The following CAMTA1 variants were observed in gnomAD, a reference collection of about 807,000 sequenced individuals.
CAMTA1 encodes the protein calmodulin-binding transcription activator 1.
Under a neutral mutation model 170.9 loss-of-function variants are expected in CAMTA1, and 27 were observed. The ratio of observed to expected loss-of-function variants is 0.16; its 90% CI spans 0.12 to 0.22. CAMTA1 has a LOEUF of 0.22. CAMTA1 is among the 10% of genes least tolerant of loss of function. The pLI is 1.00. For synonymous variants in CAMTA1, 833 were observed against 891.5 expected (o/e 0.93, Z 1.17); for missense variants, 1,619 against 2,217.2 (o/e 0.73, Z 5.42).
intron 6 of CAMTA1, among the ~76,000 whole-genome samples, chr1:7,511,815 C>T (rs551106870): frequency 3.7e-4 from 56 of 152,178 alleles, no homozygotes; most frequent in Non-Finnish European, 7.1e-4. Context: ...GTGGAGCTGG[C>T]GGCTTTCCTG....
Position 7,634,237 on chromosome 1 carries a change from G to C in CAMTA1, c.511-6163G>C, listed in dbSNP as rs1011369888. 6.6e-6 allele frequency among the ~76,000 whole-genome samples: 1 copy of C among 152,154 alleles called. No individual in the cohort carries two copies. The highest frequency in any genetic ancestry group is 1.5e-5 in the Non-Finnish European group (1 of 68,030). On this transcript the variant is annotated intron_variant, in intron 6 of 22. Transcript: ENST00000303635. This position sits in a 1 kb window ranked among gnomAD's most constrained non-coding sequence, Gnocchi z 6.2. ...GGATCAGACTTGGTCATTGCAGGCA[G>C]GGGGTATATGGGAGGATTAGGCTTC...
chr1:7,287,288 G>A (rs1672482212), intron 5 of CAMTA1, among the ~76,000 whole-genome samples: 1 of 152,152 alleles, frequency 6.6e-6, no homozygotes, highest in African/African-American at 2.4e-5. Context: ...GTGATTCAGG[G>A]AGAATATGGC....
chr1:6,911,335 C>T (rs1261347864), intron 3 of CAMTA1, among the ~76,000 whole-genome samples: 1 of 152,200 alleles, frequency 6.6e-6, no homozygotes, highest in Non-Finnish European at 1.5e-5. Context: ...CTGGTGTCAG[C>T]TCCTTCGACC....
intron 4 of CAMTA1, among the ~76,000 whole-genome samples, chr1:7,196,996 C>T (rs867505025): frequency 3.3e-5 from 5 of 152,254 alleles, no homozygotes; most frequent in Middle Eastern, 3.4e-3. Context: ...TATGATCTAA[C>T]GTTAGTCATT....
intron 16 of CAMTA1, among the ~76,000 whole-genome samples, chr1:7,741,246 C>T (rs984057178): frequency 2.0e-5 from 3 of 152,008 alleles, no homozygotes; most frequent in African/African-American, 4.8e-5. Context: ...GATAGATGTG[C>T]GCTGGATAGG....
chr1:7,110,035 C>T (rs945186225), intron 4 of CAMTA1, among the ~76,000 whole-genome samples: 12 of 152,102 alleles, frequency 7.9e-5, no homozygotes, highest in Non-Finnish European at 1.3e-4. Flanking sequence ...GAAATGAGCC[C>T]GAGGTGGCCT....
chr1:7,301,901 G>T (rs907096426), intron 5 of CAMTA1, among the ~76,000 whole-genome samples: 1 of 152,124 alleles, frequency 6.6e-6, no homozygotes, highest in East Asian at 1.9e-4. Flanking sequence ...AGGCTTTCTC[G>T]GGCCCCTGGG....
At chr1:7,540,399 C>T (rs1425962352) in intron 6 of CAMTA1, among the ~76,000 whole-genome samples, 1 of 152,120 alleles carries the variant, frequency 6.6e-6, no homozygotes, top group Non-Finnish European at 1.5e-5. Context: ...GGAGTCTCTC[C>T]ATGAGCTCCT....
In CAMTA1 at chr1:6,971,147, T is replaced by C. The variant is rs1692461318; in HGVS notation, c.235-120157T>C. On this transcript the variant is annotated intron_variant, in intron 3 of 22. Coordinates refer to ENST00000303635, the MANE Select transcript of CAMTA1 (RefSeq NM_015215.4). The surrounding 1 kb of genome is among the most constrained non-coding windows in gnomAD (Gnocchi z 4.6). ...GCACAAAGCAGACACAGAAGAAACC[T>C]TGAAGTAATTAACAGAGTGAGCATG... is the stretch of plus-strand genomic sequence containing the variant. Among the ~76,000 whole-genome samples, 1 of 152,158 alleles carries C rather than the reference T, an allele frequency of 6.6e-6. No individual in the cohort carries two copies. Among genetic ancestry groups the C allele is most frequent in the Non-Finnish European group, 1.5e-5 (1 of 68,040 alleles).
intron 11 of CAMTA1, among the ~76,000 whole-genome samples, chr1:7,719,891 C>G (rs1047996530): frequency 5.9e-5 from 9 of 152,254 alleles, no homozygotes; most frequent in African/African-American, 2.2e-4. Flanking sequence ...GCTCTCCCTG[C>G]CAGGGCAGCC....
chr1:7,675,518 T>C (rs2096109415), intron 10 of CAMTA1, among the ~76,000 whole-genome samples: 2 of 152,228 alleles, frequency 1.3e-5, no homozygotes, highest in South Asian at 4.1e-4. Flanking sequence ...AGAGGGCTGA[T>C]CTTTCCAGAT....
intron 3 of CAMTA1, among the ~76,000 whole-genome samples, chr1:6,859,552 G>C (rs576061776): frequency 1.5e-3 from 222 of 152,314 alleles, no homozygotes; most frequent in African/African-American, 5.2e-3. Flanking sequence ...AGTTTGAAAG[G>C]TCTGGGCAGA....
At chr1:6,962,390 C>G (rs1485510545) in intron 3 of CAMTA1, among the ~76,000 whole-genome samples, 2 of 148,760 alleles carry the variant, frequency 1.3e-5, no homozygotes, top group Non-Finnish European at 3.0e-5. Flanking sequence ...TTCCACTCCC[C>G]CTCTGGGCCC....
intron 3 of CAMTA1, among the ~76,000 whole-genome samples, chr1:6,924,901 T>G (rs776067681): frequency 1.1e-4 from 17 of 152,248 alleles, no homozygotes; most frequent in Non-Finnish European, 1.8e-4. Flanking sequence ...CCTCTTGGTC[T>G]GATTTCTCTG....
intron 5 of CAMTA1, among the ~76,000 whole-genome samples, chr1:7,256,897 G>T (rs9988605): frequency 8.3e-4 from 125 of 151,146 alleles, no homozygotes; most frequent in Middle Eastern, 3.4e-3. Context: ...TGTCTGGCAA[G>T]GGCCTGTTTC....
rs1313928902 is a variant in CAMTA1, at chr1:6,887,885, C to T, written c.234+62675C>T. 1 of 1,395,736 alleles carries T rather than the reference C, an allele frequency of 7.2e-7. No homozygotes were observed. Among genetic ancestry groups the T allele is most frequent in the East Asian group, 2.7e-5 (1 of 37,060 alleles). 86.5% of individuals were successfully genotyped at this position (1,395,736 alleles called of 1,614,324 possible). A position where few individuals can be genotyped will look rare whatever the true frequency, so the allele number is the denominator to read the frequency against. The stretch of plus-strand genomic sequence containing the variant: ...CTAAAAATGAAATAGAATAAAGTGA[C>T]CTACTCTTGCCTCATCCGGAGTTAT... On this transcript the variant is annotated intron_variant, in intron 3 of 22. Coordinates refer to ENST00000303635, the MANE Select transcript of CAMTA1 (RefSeq NM_015215.4). This position sits in a 1 kb window ranked among gnomAD's most constrained non-coding sequence, Gnocchi z 4.1.
intron 11 of CAMTA1, among the ~76,000 whole-genome samples, chr1:7,705,076 G>T (rs1183573381): frequency 6.6e-6 from 1 of 151,110 alleles, no homozygotes; most frequent in African/African-American, 2.4e-5. Context: ...GGCCGGGAGG[G>T]CGTGCGCGGA....
At chr1:7,091,650 A>G (rs1000629229) in intron 4 of CAMTA1, among the ~76,000 whole-genome samples, 3 of 152,218 alleles carry the variant, frequency 2.0e-5, no homozygotes, top group African/African-American at 7.2e-5. Context: ...CACAGGCAGG[A>G]GCCTCAGGGG....
chr1:6,932,709 C>T (rs1472991318), intron 3 of CAMTA1, among the ~76,000 whole-genome samples: 2 of 152,154 alleles, frequency 1.3e-5, no homozygotes, highest in African/African-American at 2.4e-5. Flanking sequence ...TGGTATATCT[C>T]GTCATGGTTT....
Sources: gnomAD v4.1 joint callset for allele counts (sites outside exome capture counted in the v4.1 genomes callset) on GRCh38, gnomAD v4.1.1 for gene constraint, Gnocchi (gnomAD v3.1) non-coding constraint, MANE v1.5 for transcripts, NCBI Gene and HGNC (gene_info 2026-07-23, HGNC 2026-07-21) for gene names.